The following INTS3 variants were observed in gnomAD, a reference collection of about 807,000 sequenced individuals.
The protein encoded by INTS3 is integrator complex subunit 3, also known as SOSS complex subunit A.
INTS3 carries 34 observed loss-of-function variants against 146.3 expected under a neutral mutation model. That is an observed-to-expected ratio of 0.23 (90% CI 0.18 to 0.31). The LOEUF is 0.31. Among genes scored for constraint, INTS3 ranks in the 10% least tolerant of loss-of-function variants. The pLI, the probability that INTS3 is intolerant of heterozygous loss-of-function variation, is 1.00. For synonymous variants in INTS3, 475 were observed against 494.9 expected, an observed-to-expected ratio of 0.96 and a Z score of 0.53; for missense variants, 757 against 1,304.2, an observed-to-expected ratio of 0.58 and a Z score of 6.46.
At chr1:153,768,821 G>GA in intron 21 of INTS3, 72 bp from the exon 22 acceptor site, 1 of 1,178,170 alleles carries the variant, frequency 8.5e-7, no homozygotes, top group Non-Finnish European at 1.3e-6. Context: ...ATGTAATAAG[G>GA]AAGGAGAGTG....
Position 153,751,203 on chromosome 1 carries a change from G to A in INTS3, c.693G>A (p.Lys231=), listed in dbSNP as rs553645239. 1 of 1,614,210 alleles carries A rather than the reference G, an allele frequency of 6.2e-7. No homozygotes were observed. Among genetic ancestry groups the A allele is most frequent in the East Asian group, 2.2e-5 (1 of 44,886 alleles). ...CCCAGCTCCAGGCCCTGCGACAGAA[G>A]GAAGTAGACTTCTGCATCTCACTGC... The part of the protein sequence containing the change: ...GTAQLQALRQ[K]EVDFCISLLR... Residue 231 remains lysine, a synonymous_variant, in exon 7 of 30, where the codon AAG becomes AAA. Coordinates refer to ENST00000318967, the MANE Select transcript of INTS3 (RefSeq NM_023015.5).
Position 153,764,118 on chromosome 1 carries a change from G to A in INTS3, c.1822G>A (p.Glu608Lys). The A allele has an allele frequency of 6.2e-7, 1 of 1,613,422 alleles. No homozygotes were observed. The highest frequency in any genetic ancestry group is 8.5e-7 in the Non-Finnish European group (1 of 1,179,394). Residue 608 changes from glutamate (E) to lysine (K), a missense_variant and splice_region_variant, in exon 18 of 30, where the codon GAA becomes AAA. By Grantham distance (56) the Glu-to-Lys change is moderately conservative. Transcript: ENST00000318967. ...MQEIVDQVLEEDFDSEQLSVL... is the reference protein window; with the variant it reads ...MQEIVDQVLEKDFDSEQLSVL... ...CTCCCTCCCTTGTCTCATCACCCAG[G>A]AAGACTTTGACTCGGAGCAGCTGTC...
At position 153,728,574 on chromosome 1, in the gene INTS3, C is replaced by G; in HGVS notation, c.-61C>G. 1 of 1,512,762 alleles carries G rather than the reference C, an allele frequency of 6.6e-7. No individual in the cohort carries two copies. The highest frequency in any genetic ancestry group is 8.8e-7 in the Non-Finnish European group (1 of 1,134,194). 93.7% of individuals were successfully genotyped at this position (1,512,762 alleles called of 1,614,324 possible). A position where few individuals can be genotyped will look rare whatever the true frequency, so the allele number is the denominator to read the frequency against. On this transcript the variant is annotated 5_prime_UTR_variant, in exon 1 of 30. Transcript: ENST00000318967. ...CCAGTCCCTGGCAATCCAGAGATCC[C>G]GATATCTAGGACTGTCCATCCATCC... is the stretch of plus-strand genomic sequence containing the variant.
intron 1 of INTS3, among the ~76,000 whole-genome samples, chr1:153,731,610 T>G: frequency 8.2e-6 from 1 of 122,682 alleles, no homozygotes; most frequent in Admixed American, 1.0e-4. Context: ...TGAGATGGAG[T>G]CTCACTCTGT....
chr1:153,752,895 G>A (rs759707219), intron 8 of INTS3, among the ~76,000 whole-genome samples: 4 of 152,258 alleles, frequency 2.6e-5, no homozygotes, highest in Non-Finnish European at 4.4e-5. Flanking sequence ...GGGAGTCTCC[G>A]TGTGCCTCCT....
intron 8 of INTS3, among the ~76,000 whole-genome samples, chr1:153,753,505 C>T (rs904230895): frequency 4.0e-5 from 6 of 150,698 alleles, no homozygotes; most frequent in Admixed American, 1.3e-4. Flanking sequence ...TGCAGTAAGC[C>T]GAGATCGCGC....
rs1672904136 is a variant in INTS3, at chr1:153,772,038, T to G, written c.2720+75T>G. ...TTGCTGTCGGTGGTGGTGGTGGTGG[T>G]GGTGGTGGTGGTGATGGGGGTCAGT... On this transcript the variant is annotated intron_variant, in intron 26 of 29. Coordinates refer to ENST00000318967, the MANE Select transcript of INTS3 (RefSeq NM_023015.5). This position sits in a 1 kb window ranked among gnomAD's most constrained non-coding sequence, Gnocchi z 4.6. The G allele has an allele frequency of 7.8e-7, 1 of 1,283,166 alleles. No homozygotes were observed. Among genetic ancestry groups the G allele is most frequent in the Non-Finnish European group, 1.1e-6 (1 of 930,372 alleles). The allele number at this position is 1,283,166 out of a possible 1,614,324, so 79.5% of individuals were successfully genotyped here.
Position 153,772,218 on chromosome 1 carries a change from G to A in INTS3, c.2721-122G>A. 1 of 1,171,098 alleles carries A rather than the reference G, an allele frequency of 8.5e-7. No individual in the cohort carries two copies. The highest frequency in any genetic ancestry group is 1.2e-6 in the Non-Finnish European group (1 of 817,892). 72.5% of individuals were successfully genotyped at this position (1,171,098 alleles called of 1,614,324 possible). The stretch of plus-strand genomic sequence containing the variant: ...TCTCACCCAACCCCAGCCCTCCCAG[G>A]CTGCCTATCCTGTTCCCCATGTAGG... On this transcript the variant is annotated intron_variant, in intron 26 of 29. Coordinates refer to ENST00000318967, the MANE Select transcript of INTS3 (RefSeq NM_023015.5). The surrounding 1 kb of genome is among the most constrained non-coding windows in gnomAD (Gnocchi z 4.6).
chr1:153,740,877 C>T (rs1447862283), intron 2 of INTS3, 143 bp downstream of exon 2: 2 of 708,186 alleles, frequency 2.8e-6, no homozygotes, highest in Non-Finnish European at 5.1e-6. Context: ...TTTCTCAATT[C>T]TTCTCTTTTA....
chr1:153,761,465 G>A, intron 13 of INTS3, 105 bp from the exon 14 acceptor site: 1 of 768,004 alleles, frequency 1.3e-6, no homozygotes, highest in Non-Finnish European at 2.2e-6. Flanking sequence ...AGCCGAGATT[G>A]TGCCACTGCA....
chr1:153,736,709 G>T (rs901301059), intron 1 of INTS3, among the ~76,000 whole-genome samples: 1 of 149,652 alleles, frequency 6.7e-6, no homozygotes, highest in Non-Finnish European at 1.5e-5. Flanking sequence ...GCCTCCCAAA[G>T]TGCTGAGATT....
chr1:153,737,825 G>T (rs1465835181), intron 1 of INTS3, among the ~76,000 whole-genome samples: 1 of 151,974 alleles, frequency 6.6e-6, no homozygotes, highest in East Asian at 1.9e-4. Flanking sequence ...TTGGCTTTTG[G>T]TGCTCTATTT....
At position 153,764,186 on chromosome 1, in the gene INTS3, T is replaced by C. The variant is rs560604831; in HGVS notation, c.1890T>C (p.Phe630=). ...TACAGGAGCTCTTCAAGGCCCACTT[T>C]CGAGGGGAGGTCCTGCCTGAGGAGA... The part of the protein sequence containing the change: ...SCLQELFKAH[F]RGEVLPEEIT... Residue 630 remains phenylalanine, a synonymous_variant, in exon 18 of 30, where the codon TTT becomes TTC. Transcript: ENST00000318967. 3 of 1,614,026 alleles carry C rather than the reference T, an allele frequency of 1.9e-6. No homozygotes were observed. In the Admixed American group the frequency reaches 5.0e-5, roughly 27 times the overall value.
intron 10 of INTS3, among the ~76,000 whole-genome samples, chr1:153,758,571 G>A (rs151199106): frequency 3.9e-5 from 6 of 152,324 alleles, no homozygotes; most frequent in African/African-American, 1.2e-4. Context: ...ACTTTGGGAG[G>A]TTGAGGTGGG....
At position 153,764,742 on chromosome 1, in the gene INTS3, C is replaced by T. The variant is rs372810708; in HGVS notation, c.1970+8C>T. The T allele has an allele frequency of 8.4e-5, 135 of 1,600,536 alleles. No homozygotes were observed. Among genetic ancestry groups the T allele is most frequent in the African/African-American group, 1.1e-4 (8 of 74,560 alleles). On this transcript the variant is annotated splice_region_variant and intron_variant, in intron 19 of 29. Coordinates refer to ENST00000318967, the MANE Select transcript of INTS3 (RefSeq NM_023015.5). ...TCTGTACCTAATATTTAGGTAAGCA[C>T]GCAGCTATAGGAGATACTGTTCTAC...
intron 14 of INTS3, among the ~76,000 whole-genome samples, chr1:153,762,410 C>T (rs1176440032): frequency 6.6e-6 from 1 of 152,254 alleles, no homozygotes; most frequent in Admixed American, 6.5e-5. Context: ...CGCCACTGCA[C>T]TCCAGCCCAG....
At chr1:153,769,894 G>T (rs200764506) in intron 23 of INTS3, 50 bp downstream of exon 23, 1 of 1,284,640 alleles carries the variant, frequency 7.8e-7, no homozygotes, top group Admixed American at 1.7e-5. Flanking sequence ...AGGGCAGGGT[G>T]TCAGTCCTGT....
At chr1:153,739,421 C>T (rs561166747) in intron 1 of INTS3, among the ~76,000 whole-genome samples, 56 of 151,344 alleles carry the variant, frequency 3.7e-4, no homozygotes, top group Middle Eastern at 3.4e-3. Flanking sequence ...CGGCTCACCT[C>T]GACCTCTGCC....
At position 153,728,415 on chromosome 1, in the gene INTS3, A is replaced by G. The variant is rs1371880377; in HGVS notation, c.-220A>G. 1.5e-5 allele frequency: 8 copies of G among 523,710 alleles called. No individual in the cohort carries two copies. Among genetic ancestry groups the G allele is most frequent in the South Asian group, 1.5e-4 (5 of 33,274 alleles). The allele number at this position is 523,710 out of a possible 1,614,324, so 32.4% of individuals were successfully genotyped here. On this transcript the variant is annotated 5_prime_UTR_variant, in exon 1 of 30. Coordinates refer to ENST00000318967, the MANE Select transcript of INTS3 (RefSeq NM_023015.5). ...TCGGAGCCAACGCCTTTCCCTCAGCACTGCCACCCCAGAGTCAGGACCCAG... is the reference window on the plus strand; with the variant it reads ...TCGGAGCCAACGCCTTTCCCTCAGCGCTGCCACCCCAGAGTCAGGACCCAG...
Sources: allele counts gnomAD v4.1 joint callset (sites outside exome capture counted in the v4.1 genomes callset), GRCh38; gene constraint gnomAD v4.1.1; non-coding constraint Gnocchi (gnomAD v3.1); transcripts MANE v1.5; gene names NCBI Gene and HGNC (gene_info 2026-07-23, HGNC 2026-07-21).